Variants in ST8SIA5 observed in about 807,000 individuals in gnomAD.
The protein encoded by ST8SIA5 is alpha-2,8-sialyltransferase 8E.
In ST8SIA5, 24 loss-of-function variants were observed where a neutral mutation model predicts 40.2. The ratio of observed to expected loss-of-function variants is 0.60; its 90% confidence interval spans 0.43 to 0.84. ST8SIA5 has a LOEUF of 0.84. Ranked by LOEUF, ST8SIA5 falls within the 40% of genes least tolerant of loss-of-function variation. The pLI, the probability that ST8SIA5 is intolerant of heterozygous loss-of-function variation, is 0.00. For missense variants in ST8SIA5, 465 were observed against 498.5 expected (o/e 0.93, Z 0.64); for synonymous variants, 198 against 201.8 (o/e 0.98, Z 0.16).
intron 1 of ST8SIA5, among the ~76,000 whole-genome samples, chr18:46,742,602 T>G (rs1347014011): frequency 6.6e-6 from 1 of 152,182 alleles, no homozygotes; most frequent in Non-Finnish European, 1.5e-5. Context: ...ATAATCCACT[T>G]TAAAAATAGG....
intron 4 of ST8SIA5, among the ~76,000 whole-genome samples, chr18:46,688,375 G>A (rs2039469076): frequency 6.6e-6 from 1 of 152,190 alleles, no homozygotes; most frequent in Admixed American, 6.5e-5. Context: ...ATCTTTCAGA[G>A]TCTAGATCTG....
chr18:46,756,362 C>A lies in ST8SIA5; in HGVS notation c.131+16G>T. On this transcript the variant is annotated intron_variant, in intron 1 of 6. Coordinates refer to ENST00000315087, the MANE Select transcript of ST8SIA5 (RefSeq NM_013305.6). ...GCCGGCTCCGCGCATCCCGCCCTCT[C>A]AATGGACTTTCTTACCTCTTAATGT... is the stretch of plus-strand genomic sequence containing the variant. 6 of 1,610,832 alleles carry A rather than the reference C, an allele frequency of 3.7e-6. No individual in the cohort carries two copies. Among genetic ancestry groups the A allele is most frequent in the Non-Finnish European group, 4.2e-6 (5 of 1,178,002 alleles).
At chr18:46,697,543 A>T (rs1466865932) in intron 2 of ST8SIA5, among the ~76,000 whole-genome samples, 1 of 152,150 alleles carries the variant, frequency 6.6e-6, no homozygotes, top group East Asian at 1.9e-4. Flanking sequence ...CTACAAAAAA[A>T]TGTTTGAAAA....
rs533760732 is a variant in ST8SIA5, at chr18:46,692,655, G to A, written c.225-400C>T. Among the ~76,000 whole-genome samples, 704 of 152,106 alleles carry A rather than the reference G, an allele frequency of 4.6e-3. 6 individuals carry two copies. The highest frequency in any genetic ancestry group is 0.016 in the African/African-American group (659 of 41,472). On this transcript the variant is annotated intron_variant, in intron 2 of 6. Coordinates refer to ENST00000315087, the MANE Select transcript of ST8SIA5 (RefSeq NM_013305.6). The stretch of plus-strand genomic sequence containing the variant: ...TGACCTCAAGGGATCCTTCCGCTTC[G>A]GTCTCCCAAAGTGCTGGGATTACAG...
intron 6 of ST8SIA5, 120 bp downstream of exon 6, chr18:46,681,852 T>C: frequency 1.1e-6 from 1 of 903,894 alleles, no homozygotes; most frequent in Non-Finnish European, 1.7e-6. Flanking sequence ...AAACCCAGTG[T>C]GTGTTTTACA....
chr18:46,693,814 C>A (rs988875452), intron 2 of ST8SIA5, among the ~76,000 whole-genome samples: 3 of 152,218 alleles, frequency 2.0e-5, no homozygotes, highest in Non-Finnish European at 4.4e-5. Flanking sequence ...TTTCTCCCCT[C>A]TTTCAGCAGT....
At chr18:46,685,966 G>A (rs1356028969) in intron 5 of ST8SIA5, 6 of 595,674 alleles carry the variant, frequency 1.0e-5, no homozygotes, top group Non-Finnish European at 1.8e-5. Flanking sequence ...CTCCCATTGT[G>A]CAGATGTGGA....
chr18:46,694,057 C>G (rs959837216), intron 2 of ST8SIA5, among the ~76,000 whole-genome samples: 1 of 152,222 alleles, frequency 6.6e-6, no homozygotes, highest in African/African-American at 2.4e-5. Context: ...GTTGAAGGTT[C>G]CACTGAGGCC....
intron 2 of ST8SIA5, among the ~76,000 whole-genome samples, chr18:46,697,756 A>G (rs1161597985): frequency 6.6e-6 from 1 of 152,206 alleles, no homozygotes; most frequent in Non-Finnish European, 1.5e-5. Context: ...GAAGTATAGG[A>G]TTATTAGATT....
At position 46,750,619 on chromosome 18, in the gene ST8SIA5, T is replaced by C. The variant is rs143521396; in HGVS notation, c.131+5759A>G. On this transcript the variant is annotated intron_variant, in intron 1 of 6. Coordinates refer to ENST00000315087, the MANE Select transcript of ST8SIA5 (RefSeq NM_013305.6). ...GCCAACCCAGCAGACACCTCAATCCTATCCCACCCGAGCCCTCTTCCTGGC... is the reference window on the plus strand; with the variant it reads ...GCCAACCCAGCAGACACCTCAATCCCATCCCACCCGAGCCCTCTTCCTGGC... Among the ~76,000 whole-genome samples the C allele has an allele frequency of 6.3e-3, 958 of 152,218 alleles. 5 individuals are homozygous for C. Among genetic ancestry groups the C allele is most frequent in the Non-Finnish European group, 9.1e-3 (617 of 68,002 alleles).
intron 1 of ST8SIA5, among the ~76,000 whole-genome samples, chr18:46,737,151 A>C (rs1599146408): frequency 6.6e-6 from 1 of 152,098 alleles, no homozygotes; most frequent in Non-Finnish European, 1.5e-5. Context: ...AGCTTCCATC[A>C]CCTGCTCCTC....
At chr18:46,734,842 C>T (rs545482308) in intron 1 of ST8SIA5, among the ~76,000 whole-genome samples, 2 of 152,336 alleles carry the variant, frequency 1.3e-5, no homozygotes, top group South Asian at 2.1e-4. Flanking sequence ...AGAGAGCACC[C>T]TGTTTCATCC....
rs960376299 is a variant in ST8SIA5, at chr18:46,670,977, G to A, written c.*9065C>T. Reference sequence around the variant, plus strand: ...TGAGATATGTGATATTAGCAAAATGGTTGGCCCTTGATACACAGCTTTATA... The same window carrying A: ...TGAGATATGTGATATTAGCAAAATGATTGGCCCTTGATACACAGCTTTATA... On this transcript the variant is annotated 3_prime_UTR_variant, in exon 7 of 7. Coordinates refer to ENST00000315087, the MANE Select transcript of ST8SIA5 (RefSeq NM_013305.6). 9 of 152,190 alleles carry A rather than the reference G, an allele frequency of 5.9e-5. No homozygotes were observed. In the East Asian group the frequency reaches 1.7e-3, roughly 29 times the overall value. 9.4% of individuals were successfully genotyped at this position (152,190 alleles called of 1,614,324 possible).
At chr18:46,693,518 G>A (rs996267545) in intron 2 of ST8SIA5, among the ~76,000 whole-genome samples, 10 of 152,286 alleles carry the variant, frequency 6.6e-5, no homozygotes, top group Admixed American at 4.6e-4. Context: ...GAAAGGGAAC[G>A]TCTAAACCAC....
At chr18:46,708,791 C>T (rs927221579) in intron 1 of ST8SIA5, among the ~76,000 whole-genome samples, 2 of 152,220 alleles carry the variant, frequency 1.3e-5, no homozygotes, top group African/African-American at 4.8e-5. Context: ...CTGGGTGCTT[C>T]TTCCCATGGT....
chr18:46,724,536 G>T (rs1388647032), intron 1 of ST8SIA5, among the ~76,000 whole-genome samples: 1 of 152,230 alleles, frequency 6.6e-6, no homozygotes, highest in Non-Finnish European at 1.5e-5. Context: ...TGAAGTGGTT[G>T]TTTCCTTTCA....
chr18:46,755,085 C>T (rs117420360), intron 1 of ST8SIA5, among the ~76,000 whole-genome samples: 2,392 of 152,338 alleles, frequency 0.016, 24 homozygotes, highest in Non-Finnish European at 0.025. Flanking sequence ...TGGGAAGGTC[C>T]GGAGCAGCAA....
intron 1 of ST8SIA5, among the ~76,000 whole-genome samples, chr18:46,709,963 C>G (rs2039706565): frequency 6.6e-6 from 1 of 152,280 alleles, no homozygotes; most frequent in East Asian, 1.9e-4. Flanking sequence ...AGCACTTTCT[C>G]CAACCTTCTT....
At chr18:46,700,746 G>C (rs1442771054) in intron 2 of ST8SIA5, among the ~76,000 whole-genome samples, 1 of 152,204 alleles carries the variant, frequency 6.6e-6, no homozygotes, top group African/African-American at 2.4e-5. Context: ...AGCCCCTGGG[G>C]ACAGAGAGGG....
Sources: allele counts gnomAD v4.1 joint callset (sites outside exome capture counted in the v4.1 genomes callset), GRCh38; gene constraint gnomAD v4.1.1; transcripts MANE v1.5; gene names NCBI Gene and HGNC (gene_info 2026-07-23, HGNC 2026-07-21).